FIP1L1: variants seen among roughly 807,000 people sequenced by gnomAD.
FIP1L1 encodes the protein pre-mRNA 3'-end-processing factor FIP1.
In FIP1L1, 21 loss-of-function variants were observed where a neutral mutation model predicts 84.6. That is an observed-to-expected ratio of 0.25 (90% CI 0.18 to 0.36). The LOEUF (loss-of-function observed/expected upper bound fraction) is 0.36, where lower values mean the gene tolerates loss of function less well. FIP1L1 is among the 10% of genes least tolerant of loss of function. The probability of loss-of-function intolerance (pLI) is 1.00; values close to 1 mark genes in which losing one functional copy is unlikely to be tolerated. For missense variants in FIP1L1, 526 were observed against 751.1 expected, an observed-to-expected ratio of 0.70 and a Z score of 3.50; for synonymous variants, 263 against 242.3, an observed-to-expected ratio of 1.09 and a Z score of -0.80.
chr4:53,396,520 C>T (rs373507454), intron 9 of FIP1L1, among the ~76,000 whole-genome samples: 2 of 152,124 alleles, frequency 1.3e-5, no homozygotes, highest in African/African-American at 4.8e-5. Context: ...ATTCTCTTGC[C>T]TCAGCCTCCC....
At chr4:53,432,250 T>A (rs1383041361) in intron 13 of FIP1L1, among the ~76,000 whole-genome samples, 3 of 151,276 alleles carry the variant, frequency 2.0e-5, no homozygotes, top group Non-Finnish European at 2.9e-5. Context: ...ATGAAAAAAT[T>A]AGCTGGGTGT....
At chr4:53,430,105 G>C (rs1765912790) in intron 13 of FIP1L1, among the ~76,000 whole-genome samples, 1 of 152,118 alleles carries the variant, frequency 6.6e-6, no homozygotes, top group Non-Finnish European at 1.5e-5. Flanking sequence ...ACAAATGACA[G>C]AATGAAAGGA....
chr4:53,430,013 A>G (rs1765869284), intron 13 of FIP1L1, among the ~76,000 whole-genome samples: 1 of 152,184 alleles, frequency 6.6e-6, no homozygotes, highest in Non-Finnish European at 1.5e-5. Flanking sequence ...TGGATCATAT[A>G]AGCGAGATTG....
intron 3 of FIP1L1, among the ~76,000 whole-genome samples, chr4:53,381,107 A>G (rs991063380): frequency 1.3e-5 from 2 of 152,022 alleles, no homozygotes; most frequent in African/African-American, 4.8e-5. Flanking sequence ...CCTATGGGGG[A>G]AAAAACAATT....
Position 53,459,481 on chromosome 4 carries a change from C to T in FIP1L1, c.*32C>T. The stretch of plus-strand genomic sequence containing the variant: ...TTTTGGCCTTTTGTGTATATTAGTA[C>T]CAGAAGTAGATACTATAAATCTTGT... On this transcript the variant is annotated 3_prime_UTR_variant, in exon 18 of 18. Transcript: ENST00000337488. 1 of 1,612,446 alleles carries T rather than the reference C, an allele frequency of 6.2e-7. No individual in the cohort carries two copies. Among genetic ancestry groups the T allele is most frequent in the Non-Finnish European group, 8.5e-7 (1 of 1,178,864 alleles).
At chr4:53,443,270 A>G (rs2150246361) in intron 14 of FIP1L1, among the ~76,000 whole-genome samples, 1 of 152,250 alleles carries the variant, frequency 6.6e-6, no homozygotes, top group East Asian at 1.9e-4. Context: ...ACAACATAGA[A>G]ATCAAACAGT....
chr4:53,421,471 G>T (rs1762401241), intron 11 of FIP1L1, among the ~76,000 whole-genome samples: 1 of 152,080 alleles, frequency 6.6e-6, no homozygotes, highest in African/African-American at 2.4e-5. Flanking sequence ...TGTCTTTTAA[G>T]GCTCATCTCT....
At chr4:53,378,110 C>T in intron 1 of FIP1L1, 187 bp downstream of exon 1, 3 of 487,990 alleles carry the variant, frequency 6.1e-6, no homozygotes, top group Admixed American at 4.1e-5. Flanking sequence ...CCCGCCTGGC[C>T]CACGCCCACC....
intron 10 of FIP1L1, among the ~76,000 whole-genome samples, chr4:53,407,791 G>T (rs534155191): frequency 1.3e-5 from 2 of 152,104 alleles, no homozygotes; most frequent in African/African-American, 4.8e-5. Context: ...TTTAAAGTCT[G>T]TTTTATCAGA....
At chr4:53,424,252 A>G (rs1422036842) in intron 11 of FIP1L1, among the ~76,000 whole-genome samples, 2 of 152,152 alleles carry the variant, frequency 1.3e-5, no homozygotes, top group Non-Finnish European at 2.9e-5. Flanking sequence ...ATGTTGGAAT[A>G]TGAAATGTTT....
At chr4:53,401,387 TA>T (rs1750178626) in intron 10 of FIP1L1, among the ~76,000 whole-genome samples, 1 of 152,180 alleles carries the variant, frequency 6.6e-6, no homozygotes, top group African/African-American at 2.4e-5. Flanking sequence ...AGCAATGAAA[TA>T]ATCTGATTTA....
rs1765044925 is a variant in FIP1L1, at chr4:53,428,017, C to T, written c.1018-10C>T. The T allele has an allele frequency of 1.3e-6, 2 of 1,593,482 alleles. No homozygotes were observed. The highest frequency in any genetic ancestry group is 1.7e-6 in the Non-Finnish European group (2 of 1,166,480). ...ATGCATCTGTTTAATTAACTGTGCTCTAATTTTAGGTCCTTTCTGAAAGAT... is the reference window on the plus strand; with the variant it reads ...ATGCATCTGTTTAATTAACTGTGCTTTAATTTTAGGTCCTTTCTGAAAGAT... On this transcript the variant is annotated splice_polypyrimidine_tract_variant and intron_variant, in intron 12 of 17. Coordinates refer to ENST00000337488, the MANE Select transcript of FIP1L1 (RefSeq NM_030917.4).
In FIP1L1 at chr4:53,377,914, C is replaced by T; in HGVS notation, c.76C>T (p.Leu26Phe). Reference protein sequence around the residue: ...GTGGDEEEEWLYGGPWDVHVH... With the variant: ...GTGGDEEEEWFYGGPWDVHVH... ...CGGAGGGGATGAGGAGGAAGAGTGG[C>T]TCTATGGCGGTACGAAACTTCCTGT... Residue 26 changes from leucine to phenylalanine, a missense_variant, in exon 1 of 18, where the codon CTC (leucine) becomes TTC (phenylalanine). Leu to Phe is a conservative substitution (Grantham distance 22, BLOSUM62 0). This residue lies in a region of FIP1L1 where 100 missense variants were observed against 107.2 expected (regional missense o/e 0.93). Transcript: ENST00000337488. 1 of 1,595,574 alleles carries T rather than the reference C, an allele frequency of 6.3e-7. No individual in the cohort carries two copies. The highest frequency in any genetic ancestry group is 8.5e-7 in the Non-Finnish European group (1 of 1,170,802).
intron 11 of FIP1L1, among the ~76,000 whole-genome samples, chr4:53,419,851 G>T (rs1360671903): frequency 1.2e-4 from 18 of 152,236 alleles, no homozygotes; most frequent in Admixed American, 7.9e-4. Context: ...AATGGCTCAC[G>T]CCTATAATCC....
chr4:53,378,048 C>T, intron 1 of FIP1L1, 125 bp downstream of exon 1: 2 of 842,398 alleles, frequency 2.4e-6, no homozygotes, highest in Non-Finnish European at 3.4e-6. Flanking sequence ...CCTGTCCGGC[C>T]TGACTTAGGC....
intron 10 of FIP1L1, among the ~76,000 whole-genome samples, chr4:53,402,120 A>C (rs1560509750): frequency 6.6e-6 from 1 of 152,208 alleles, no homozygotes; most frequent in Admixed American, 6.5e-5. Flanking sequence ...AATGTCAGCT[A>C]TCAAATACTA....
chr4:53,458,595 G>C (rs908957990), intron 16 of FIP1L1, 58 bp from the exon 17 acceptor site: 2 of 1,563,956 alleles, frequency 1.3e-6, no homozygotes, highest in African/African-American at 2.7e-5. Flanking sequence ...TTTACAGTTT[G>C]AATCCATTCA....
Position 53,459,885 on chromosome 4 carries a change from G to A in FIP1L1, c.*436G>A, listed in dbSNP as rs1721494712. ...ATTAAAACTAGTCTTTATCATTACT[G>A]CTGTGACACTCTTGCTTAGTATATT... On this transcript the variant is annotated 3_prime_UTR_variant, in exon 18 of 18. Transcript: ENST00000337488. 4.3e-6 allele frequency: 1 copy of A among 232,314 alleles called. No homozygotes were observed. The highest frequency in any genetic ancestry group is 2.2e-5 in the African/African-American group (1 of 44,772). The allele number at this position is 232,314 out of a possible 1,614,324, so 14.4% of individuals were successfully genotyped here. A position where few individuals can be genotyped will look rare whatever the true frequency, so the allele number is the denominator to read the frequency against.
intron 10 of FIP1L1, among the ~76,000 whole-genome samples, chr4:53,406,819 C>T (rs964146383): frequency 1.3e-5 from 2 of 152,118 alleles, no homozygotes; most frequent in African/African-American, 2.4e-5. Flanking sequence ...AGTATTCTCT[C>T]ATGGTAATTT....
Sources: allele counts gnomAD v4.1 joint callset (sites outside exome capture counted in the v4.1 genomes callset), GRCh38; gene constraint gnomAD v4.1.1; regional missense constraint gnomAD v4.1.1; transcripts MANE v1.5; gene names NCBI Gene and HGNC (gene_info 2026-07-23, HGNC 2026-07-21).